The following TMIGD2 variants were observed in gnomAD, a reference collection of about 807,000 sequenced individuals.
TMIGD2 encodes the protein transmembrane and immunoglobulin domain containing 2.
A neutral mutation model predicts 22.6 loss-of-function variants in TMIGD2; 18 were observed. The ratio of observed to expected loss-of-function variants is 0.80; its 90% CI spans 0.55 to 1.18. TMIGD2 has a LOEUF of 1.18. TMIGD2 is among the 50% of genes most tolerant of loss of function. The pLI, the probability that TMIGD2 is intolerant of heterozygous loss-of-function variation, is 0.00. For synonymous variants in TMIGD2, 184 were observed against 154.1 expected, an observed-to-expected ratio of 1.19 and a Z score of -1.44; for missense variants, 361 against 378.2, an observed-to-expected ratio of 0.95 and a Z score of 0.38.
At chr19:4,292,649 G>T in exon 5 of TMIGD2, 2 of 1,612,510 alleles carry the variant, frequency 1.2e-6, no homozygotes, top group Non-Finnish European at 1.7e-6. Context: ...TGCTGGGTGG[G>T]GCTTGGTCTA....
Position 4,292,541 on chromosome 19 carries a change from T to G in TMIGD2, c.*58A>C, listed in dbSNP as rs746139243. The G allele has an allele frequency of 2.0e-6, 3 of 1,535,952 alleles. No individual in the cohort carries two copies. In the Admixed American group the frequency reaches 5.0e-5, roughly 26 times the overall value. ...CGTGAGCCACCGTGTCTGGCCTCGATCCCCCCTTTTTTGTGTGTACCTATG... is the reference window on the plus strand; with the variant it reads ...CGTGAGCCACCGTGTCTGGCCTCGAGCCCCCCTTTTTTGTGTGTACCTATG... On this transcript the variant is annotated 3_prime_UTR_variant, in exon 5 of 5. Coordinates refer to ENST00000301272, the Ensembl canonical transcript of TMIGD2.
rs200193168 is a variant in TMIGD2 at position 4,298,172 on chromosome 19, C to T, written c.220G>A (p.Gly74Ser). 1.9e-4 allele frequency: 309 copies of T among 1,613,406 alleles called. No individual in the cohort carries two copies. The East Asian group carries it at 6.1e-3, about 32-fold the overall frequency. The change falls in exon 2 of 5, where the codon GGC becomes AGC. Residue 74 changes from glycine to serine, a missense_variant. Transcript: ENST00000301272. ...CCGCAGACCCCCAGGCTGAGGCTGC[C>T]GTTGGTGATGTACGGTTGACACAGG...
Position 4,302,238 on chromosome 19 carries a change from A to T in TMIGD2, c.46+102T>A, listed in dbSNP as rs1442063813. ...CGGAGGGAGATGGGCCTTATCTGACAGTAGAGAGACTGAAGTTTAGAGGGG... is the reference window on the plus strand; with the variant it reads ...CGGAGGGAGATGGGCCTTATCTGACTGTAGAGAGACTGAAGTTTAGAGGGG... On this transcript the variant is annotated intron_variant, in intron 1 of 4. Coordinates refer to ENST00000301272, the Ensembl canonical transcript of TMIGD2. 2.4e-6 allele frequency: 3 copies of T among 1,269,870 alleles called. No individual in the cohort carries two copies. The African/African-American group carries it at 4.5e-5, about 19-fold the overall frequency. 78.7% of individuals were successfully genotyped at this position (1,269,870 alleles called of 1,614,324 possible). A position where few individuals can be genotyped will look rare whatever the true frequency, so the allele number is the denominator to read the frequency against.
intron 2 of TMIGD2, among the ~76,000 whole-genome samples, chr19:4,296,397 C>A (rs910379513): frequency 6.6e-6 from 1 of 152,152 alleles, no homozygotes; most frequent in Admixed American, 6.5e-5. Flanking sequence ...TTACAGGAAC[C>A]CCAGCTAAAG....
In TMIGD2 at chr19:4,292,893, G is replaced by C; in HGVS notation, c.563-8C>G. The C allele has an allele frequency of 6.2e-7, 1 of 1,613,338 alleles. No individual in the cohort carries two copies. Among genetic ancestry groups the C allele is most frequent in the Non-Finnish European group, 8.5e-7 (1 of 1,179,850 alleles). On this transcript the variant is annotated splice_polypyrimidine_tract_variant and splice_region_variant and intron_variant, in intron 4 of 4. Transcript: ENST00000301272. ...TGCTGTAGAATGCATTTCCTAGGAT[G>C]GATGACACAGACCAAGAGGATCACT...
intron 2 of TMIGD2, among the ~76,000 whole-genome samples, chr19:4,295,559 A>G (rs536296581): frequency 5.5e-5 from 8 of 146,748 alleles, no homozygotes; most frequent in African/African-American, 1.2e-4. Context: ...GACTGTCTCG[A>G]AAAAAAAAAA....
intron 4 of TMIGD2, among the ~76,000 whole-genome samples, chr19:4,293,841 A>C (rs1252251208): frequency 1.3e-5 from 2 of 151,824 alleles, no homozygotes; most frequent in Non-Finnish European, 2.9e-5. Context: ...GGCTCACTGC[A>C]ATCTCTGCCT....
At chr19:4,296,743 G>A (rs775846045) in intron 2 of TMIGD2, among the ~76,000 whole-genome samples, 9 of 152,202 alleles carry the variant, frequency 5.9e-5, no homozygotes, top group South Asian at 2.1e-4. Context: ...CCTACCAGCT[G>A]GAGAGGAACA....
intron 4 of TMIGD2, 116 bp downstream of exon 4, chr19:4,294,463 T>C (rs538480050): frequency 3.1e-6 from 3 of 957,282 alleles, no homozygotes; most frequent in African/African-American, 1.6e-5. Flanking sequence ...AGGCTTCTCC[T>C]CCCTTCATCC....
intron 1 of TMIGD2, among the ~76,000 whole-genome samples, chr19:4,301,891 G>T (rs1283774273): frequency 6.6e-6 from 1 of 152,128 alleles, no homozygotes; most frequent in Non-Finnish European, 1.5e-5. Flanking sequence ...TTAGACCCCC[G>T]GAGAAGTTGA....
Position 4,298,489 on chromosome 19 carries a change from C to A in TMIGD2, c.47-144G>T, listed in dbSNP as rs1238498316. On this transcript the variant is annotated intron_variant, in intron 1 of 4. Transcript: ENST00000301272. ...CAGTGGCTCACGCCTGTAGTCCCAG[C>A]ACTTTGGAAGCCCGAGGTGGGAGGA... 5 of 1,295,122 alleles carry A rather than the reference C, an allele frequency of 3.9e-6. No individual in the cohort carries two copies. The African/African-American group carries it at 6.0e-5, about 16-fold the overall frequency. The allele number at this position is 1,295,122 out of a possible 1,614,324, so 80.2% of individuals were successfully genotyped here. A position where few individuals can be genotyped will look rare whatever the true frequency, so the allele number is the denominator to read the frequency against.
chr19:4,301,980 C>T (rs1353630249), intron 1 of TMIGD2, among the ~76,000 whole-genome samples: 5 of 152,142 alleles, frequency 3.3e-5, no homozygotes, highest in Non-Finnish European at 7.3e-5. Flanking sequence ...GGGTATTAGG[C>T]AGCTGGAACA....
At chr19:4,296,023 A>G (rs1456563330) in intron 2 of TMIGD2, among the ~76,000 whole-genome samples, 1 of 151,904 alleles carries the variant, frequency 6.6e-6, no homozygotes, top group Non-Finnish European at 1.5e-5. Context: ...GGCTCAAGTG[A>G]TCCTCCCGCC....
intron 1 of TMIGD2, 142 bp from the exon 2 acceptor site, chr19:4,298,487 A>C: frequency 1.5e-6 from 2 of 1,304,832 alleles, no homozygotes; most frequent in Non-Finnish European, 2.0e-6. Flanking sequence ...CTGTAGTCCC[A>C]GCACTTTGGA....
chr19:4,294,871 A>T (rs781441485), intron 2 of TMIGD2, 55 bp from the exon 3 acceptor site: 1 of 1,495,874 alleles, frequency 6.7e-7, no homozygotes, highest in Non-Finnish European at 8.9e-7. Context: ...CCCTCCAAGG[A>T]CAGAGCTCAC....
chr19:4,297,578 C>T (rs1351854182), intron 2 of TMIGD2, among the ~76,000 whole-genome samples: 3 of 152,094 alleles, frequency 2.0e-5, no homozygotes, highest in South Asian at 2.1e-4. Flanking sequence ...GATTATGGGC[C>T]GGGCATGGTG....
chr19:4,292,833 C>T, exon 5 of TMIGD2: 2 of 1,613,884 alleles, frequency 1.2e-6, no homozygotes, highest in South Asian at 1.1e-5. Context: ...AGTCCTCACT[C>T]TTCTTTGGGG....
At chr19:4,293,472 G>C (rs1042469675) in intron 4 of TMIGD2, among the ~76,000 whole-genome samples, 6 of 150,906 alleles carry the variant, frequency 4.0e-5, no homozygotes, top group South Asian at 2.1e-4. Flanking sequence ...ACGTTGGCCA[G>C]GCTGGTCTCG....
rs372626161 is a variant in TMIGD2 at position 4,292,542 on chromosome 19, C to T, written c.*57G>A. ...GTGAGCCACCGTGTCTGGCCTCGAT[C>T]CCCCCTTTTTTGTGTGTACCTATGG... On this transcript the variant is annotated 3_prime_UTR_variant, in exon 5 of 5. Transcript: ENST00000301272. 4.5e-4 allele frequency: 695 copies of T among 1,535,714 alleles called. 4 individuals carry two copies. In the African/African-American group the frequency reaches 8.2e-3, roughly 18 times the overall value.
Sources: allele counts gnomAD v4.1 joint callset (sites outside exome capture counted in the v4.1 genomes callset), GRCh38; gene constraint gnomAD v4.1.1; transcripts MANE v1.5; gene names NCBI Gene and HGNC (gene_info 2026-07-23, HGNC 2026-07-21).